The following CFAP52 variants were observed in gnomAD, a reference collection of about 807,000 sequenced individuals.
The protein encoded by CFAP52 is cilia- and flagella-associated protein 52.
CFAP52 carries 57 observed loss-of-function variants against 70.5 expected under a neutral mutation model. The ratio of observed to expected loss-of-function variants is 0.81; its 90% confidence interval spans 0.65 to 1.01. The LOEUF is 1.01. Among genes scored for constraint, CFAP52 ranks in the 50% least tolerant of loss-of-function variants. CFAP52 has a pLI of 0.00. For synonymous variants in CFAP52, 267 were observed against 292.5 expected (o/e 0.91, Z 0.89); for missense variants, 785 against 788.5 (o/e 1.00, Z 0.05).
At chr17:9,631,028 A>AGAGAGAGAGAGAGAGAGAG (rs1910479353) in intron 9 of CFAP52, among the ~76,000 whole-genome samples, 2 of 44,736 alleles carry the variant, frequency 4.5e-5, no homozygotes, top group African/African-American at 2.4e-4. Context: ...GAAAGAAAGA[A>AGAGAGAGAGAGAGAGAGAG]AGAGAGAGAG....
chr17:9,628,523 C>G (rs1453038227), intron 8 of CFAP52, 149 bp from the exon 9 acceptor site: 2 of 1,001,748 alleles, frequency 2.0e-6, no homozygotes, highest in Middle Eastern at 2.4e-4. Flanking sequence ...CGTGATCCAC[C>G]CCCCTGGCCT....
chr17:9,596,057 G>A (rs1052187295), intron 4 of CFAP52, among the ~76,000 whole-genome samples: 5 of 103,588 alleles, frequency 4.8e-5, no homozygotes, highest in Non-Finnish European at 7.5e-5. Flanking sequence ...ATATATGTGT[G>A]TGTATATATA....
In CFAP52 at chr17:9,612,400, C is replaced by A; in HGVS notation, c.946C>A (p.Arg316Ser). The change falls in exon 8 of 14, where the codon CGT (arginine) becomes AGT (serine). Residue 316 changes from arginine to serine, a missense_variant. Coordinates refer to ENST00000352665, the MANE Select transcript of CFAP52 (RefSeq NM_145054.5). ...LVGTEESHIY[R>S]VSFTDFKETL... ...AGGAACAGAAGAATCGCACATTTAT[C>A]GTGTCAGCTTCACGGATTTCAAAGA... 6.2e-7 allele frequency: 1 copy of A among 1,614,202 alleles called. No homozygotes were observed. The highest frequency in any genetic ancestry group is 1.1e-5 in the South Asian group (1 of 91,082).
chr17:9,638,672 T>A lies in CFAP52; in HGVS notation c.1536T>A (p.Pro512=). 6.2e-7 allele frequency: 1 copy of A among 1,614,178 alleles called. No individual in the cohort carries two copies. The highest frequency in any genetic ancestry group is 1.1e-5 in the South Asian group (1 of 91,070). ...TATTCCAGTGTGTGTGCTATCACCCTGAGGAGTTCCAGATCATCACCAGCG... is the reference window on the plus strand; with the variant it reads ...TATTCCAGTGTGTGTGCTATCACCCAGAGGAGTTCCAGATCATCACCAGCG... ...NTLFQCVCYH[P]EEFQIITSGT... is the part of the protein sequence containing the mutation. The change falls in exon 12 of 14, where the codon CCT becomes CCA. Residue 512 remains proline (P), a synonymous_variant. Coordinates refer to ENST00000352665, the MANE Select transcript of CFAP52 (RefSeq NM_145054.5).
chr17:9,610,598 C>T (rs1909676957), intron 7 of CFAP52, among the ~76,000 whole-genome samples: 1 of 151,906 alleles, frequency 6.6e-6, no homozygotes, highest in Non-Finnish European at 1.5e-5. Context: ...GCAATGACGC[C>T]ATCTTGGCTC....
downstream of CFAP52, chr17:9,644,714 G>C (rs1045370359): frequency 1.3e-5 from 2 of 152,236 alleles, no homozygotes; most frequent in African/African-American, 4.8e-5. Flanking sequence ...CGTAGGGGGC[G>C]CGCCTGAGAG....
chr17:9,599,844 C>T (rs1329329808), intron 5 of CFAP52, among the ~76,000 whole-genome samples: 1 of 151,938 alleles, frequency 6.6e-6, no homozygotes, highest in Non-Finnish European at 1.5e-5. Flanking sequence ...TGAGTTCAAG[C>T]GATTCTCCTA....
chr17:9,584,322 T>C, intron 1 of CFAP52: 1 of 1,290,028 alleles, frequency 7.8e-7, no homozygotes, highest in Non-Finnish European at 1.0e-6. Flanking sequence ...GGGAGTTGCC[T>C]GTGGAAAGAG....
At chr17:9,598,841 A>G (rs1909142957) in intron 5 of CFAP52, among the ~76,000 whole-genome samples, 1 of 151,918 alleles carries the variant, frequency 6.6e-6, no homozygotes, top group African/African-American at 2.4e-5. Flanking sequence ...TAGACACAGC[A>G]CAGGTAAACC....
At chr17:9,604,103 A>G (rs1262001454) in intron 6 of CFAP52, among the ~76,000 whole-genome samples, 1 of 152,186 alleles carries the variant, frequency 6.6e-6, no homozygotes, top group African/African-American at 2.4e-5. Context: ...ACCAAAAAAT[A>G]AAAATAAAAA....
intron 3 of CFAP52, among the ~76,000 whole-genome samples, chr17:9,591,993 C>T (rs1908783174): frequency 6.6e-6 from 1 of 152,162 alleles, no homozygotes; most frequent in Non-Finnish European, 1.5e-5. Context: ...TCTTATATCC[C>T]CCTCACCTTG....
At chr17:9,630,574 C>A (rs553157690) in intron 9 of CFAP52, among the ~76,000 whole-genome samples, 1 of 149,584 alleles carries the variant, frequency 6.7e-6, no homozygotes, top group African/African-American at 2.5e-5. Flanking sequence ...GGACTACAGG[C>A]GCCCGCTACC....
intron 13 of CFAP52, 61 bp from the exon 14 acceptor site, chr17:9,642,962 A>AT: frequency 7.3e-7 from 1 of 1,372,064 alleles, no homozygotes; most frequent in Non-Finnish European, 9.7e-7. Flanking sequence ...GTTATTTGAA[A>AT]TCAGGGCTGT....
Position 9,612,445 on chromosome 17 carries a change from C to A in CFAP52, c.991C>A (p.His331Asn). 3 of 1,614,130 alleles carry A rather than the reference C, an allele frequency of 1.9e-6. No individual in the cohort carries two copies. Among genetic ancestry groups the A allele is most frequent in the Non-Finnish European group, 2.5e-6 (3 of 1,180,028 alleles). Reference protein sequence around the residue: ...DFKETLIATCHFDAVEDIVFP... With the variant: ...DFKETLIATCNFDAVEDIVFP... Reference sequence around the variant, plus strand: ...CAAAGAGACGCTCATAGCGACTTGTCACTTTGATGCTGTCGAGGATATTGT... The same window carrying A: ...CAAAGAGACGCTCATAGCGACTTGTAACTTTGATGCTGTCGAGGATATTGT... The change falls in exon 8 of 14, where the codon CAC becomes AAC. Residue 331 changes from histidine (H) to asparagine (N), a missense_variant. Coordinates refer to ENST00000352665, the MANE Select transcript of CFAP52 (RefSeq NM_145054.5).
At chr17:9,614,843 C>A (rs772668146) in intron 8 of CFAP52, among the ~76,000 whole-genome samples, 6 of 152,124 alleles carry the variant, frequency 3.9e-5, no homozygotes, top group Non-Finnish European at 8.8e-5. Context: ...GCCAAACTTC[C>A]CCTGGTGGCA....
intron 8 of CFAP52, among the ~76,000 whole-genome samples, chr17:9,626,622 G>A (rs1028511926): frequency 6.6e-6 from 1 of 152,144 alleles, no homozygotes; most frequent in African/African-American, 2.4e-5. Flanking sequence ...TCCCTCAGAG[G>A]AGGAGCTCAT....
chr17:9,584,083 TG>T, intron 1 of CFAP52: 1 of 591,512 alleles, frequency 1.7e-6, no homozygotes, highest in Non-Finnish European at 2.3e-6. Context: ...GTCAATATGT[TG>T]GGGCCTTCTG....
intron 1 of CFAP52, among the ~76,000 whole-genome samples, chr17:9,585,045 AC>A (rs1908392250): frequency 1.3e-5 from 2 of 152,136 alleles, no homozygotes; most frequent in African/African-American, 4.8e-5. Flanking sequence ...TATTTACCCA[AC>A]CTTTGCCTGA....
At chr17:9,645,358 G>GA (rs1202678661), downstream of CFAP52, 2 of 244,088 alleles carry the variant, frequency 8.2e-6, no homozygotes, top group African/African-American at 4.5e-5. The surrounding 1 kb of genome is among the most constrained non-coding windows in gnomAD (Gnocchi z 6.8). Context: ...GAAGGGTGGG[G>GA]AATCCGACCA....
Sources: allele counts gnomAD v4.1 joint callset (sites outside exome capture counted in the v4.1 genomes callset), GRCh38; gene constraint gnomAD v4.1.1; non-coding constraint Gnocchi (gnomAD v3.1); transcripts MANE v1.5; gene names NCBI Gene and HGNC (gene_info 2026-07-23, HGNC 2026-07-21).